Variants in TMEM132C observed in about 807,000 individuals in gnomAD.
TMEM132C encodes the protein protein phosphatase 1, regulatory subunit 152.
TMEM132C carries 29 observed loss-of-function variants against 61.4 expected under a neutral mutation model. The ratio of observed to expected loss-of-function variants is 0.47; its 90% CI spans 0.35 to 0.64. The LOEUF is 0.64. Among genes scored for constraint, TMEM132C ranks in the 30% least tolerant of loss-of-function variants. The probability of loss-of-function intolerance (pLI) is 0.00; values close to 1 mark genes in which losing one functional copy is unlikely to be tolerated. For missense variants in TMEM132C, 1,408 were observed against 1,476.9 expected (o/e 0.95, Z 0.76); for synonymous variants, 656 against 633.1 (o/e 1.04, Z -0.54).
At chr12:128,663,879 T>TACAC (rs1954422365) in intron 4 of TMEM132C, among the ~76,000 whole-genome samples, 1 of 129,216 alleles carries the variant, frequency 7.7e-6, no homozygotes, top group African/African-American at 2.9e-5. Context: ...CACACACACA[T>TACAC]ACAGGCACAA....
intron 1 of TMEM132C, among the ~76,000 whole-genome samples, chr12:128,412,414 A>G (rs1001699911): frequency 1.3e-5 from 2 of 152,150 alleles, no homozygotes; most frequent in African/African-American, 2.4e-5. Context: ...TGAATGAGAC[A>G]TTTGCTTATC....
intron 3 of TMEM132C, among the ~76,000 whole-genome samples, chr12:128,586,497 C>G (rs552046749): frequency 2.0e-5 from 3 of 152,020 alleles, no homozygotes; most frequent in Non-Finnish European, 4.4e-5. Flanking sequence ...GGATTATTAA[C>G]TACAGGGGGA....
In TMEM132C at chr12:128,571,150, T is replaced by C. The variant is rs574169524; in HGVS notation, c.1121+27047T>C. On this transcript the variant is annotated intron_variant, in intron 3 of 8. Transcript: ENST00000435159. ...CAAGGCCAAAAAAATAAAAAGCCAG[T>C]GTTCTGAGGATGGTAGAACAGAAAC... Among the ~76,000 whole-genome samples, 5 of 152,292 alleles carry C rather than the reference T, an allele frequency of 3.3e-5. No individual in the cohort carries two copies. The South Asian group carries it at 1.0e-3, about 32-fold the overall frequency.
intron 4 of TMEM132C, among the ~76,000 whole-genome samples, chr12:128,627,684 C>T (rs1466042837): frequency 6.6e-6 from 1 of 152,160 alleles, no homozygotes; most frequent in Non-Finnish European, 1.5e-5. Flanking sequence ...CCCCTGTGAG[C>T]CCTGGGTCCC....
chr12:128,696,435 A>G (rs1201566985), intron 7 of TMEM132C, among the ~76,000 whole-genome samples: 1 of 152,168 alleles, frequency 6.6e-6, no homozygotes, highest in Non-Finnish European at 1.5e-5. Flanking sequence ...TCTTAGAAAT[A>G]GCCATGGTCT....
chr12:128,267,961 G>A (rs1340624286), intron 1 of TMEM132C, among the ~76,000 whole-genome samples: 2 of 152,234 alleles, frequency 1.3e-5, no homozygotes, highest in African/African-American at 4.8e-5. Flanking sequence ...TGCTCCAGGA[G>A]GGAAGGCCCG....
chr12:128,396,311 T>G (rs1874953515), intron 1 of TMEM132C, among the ~76,000 whole-genome samples: 1 of 151,626 alleles, frequency 6.6e-6, no homozygotes, highest in Non-Finnish European at 1.5e-5. Context: ...AAATAATAGG[T>G]AGTTGTAAGT....
chr12:128,407,773 G>T (rs557190580), intron 1 of TMEM132C, among the ~76,000 whole-genome samples: 2 of 152,328 alleles, frequency 1.3e-5, no homozygotes, highest in Admixed American at 1.3e-4. Context: ...AAATCACAAG[G>T]CAGCCCAGAT....
rs923644945 is a variant in TMEM132C at position 128,524,669 on chromosome 12, G to A, written c.975-19288G>A. ...TTGCGGTGAGATTCCAGGTTGAAAT[G>A]TGCTTCTGAAGCAGGCTTTGGGATC... On this transcript the variant is annotated intron_variant, in intron 2 of 8. Coordinates refer to ENST00000435159, the MANE Select transcript of TMEM132C (RefSeq NM_001136103.3). Among the ~76,000 whole-genome samples the A allele has an allele frequency of 4.2e-4, 64 of 152,232 alleles. 1 individual carries two copies. The highest frequency in any genetic ancestry group is 1.2e-3 in the African/African-American group (50 of 41,532).
intron 3 of TMEM132C, among the ~76,000 whole-genome samples, chr12:128,611,482 G>A (rs1056228723): frequency 5.9e-5 from 9 of 152,178 alleles, no homozygotes; most frequent in African/African-American, 1.2e-4. Flanking sequence ...GCGGGAGCGG[G>A]GTTAGGGACT....
intron 1 of TMEM132C, among the ~76,000 whole-genome samples, chr12:128,385,670 G>A (rs960609291): frequency 2.8e-4 from 43 of 152,322 alleles, no homozygotes; most frequent in African/African-American, 1.0e-3. Context: ...GGAGAACAGG[G>A]AGTAAGGAAA....
At position 128,560,201 on chromosome 12, in the gene TMEM132C, G is replaced by T. The variant is rs192473387; in HGVS notation, c.1121+16098G>T. 3.8e-3 allele frequency among the ~76,000 whole-genome samples: 572 copies of T among 152,286 alleles called. 2 individuals carry two copies. Among genetic ancestry groups the T allele is most frequent in the Non-Finnish European group, 6.3e-3 (430 of 68,008 alleles). On this transcript the variant is annotated intron_variant, in intron 3 of 8. Coordinates refer to ENST00000435159, the MANE Select transcript of TMEM132C (RefSeq NM_001136103.3). ...GACAGAAGCTGCAGTAAGCCCTGAT[G>T]GTGCCATTGCACTCCAGCCTGGGCA...
chr12:128,628,238 TCTC>T (rs916989580), intron 4 of TMEM132C, among the ~76,000 whole-genome samples: 3 of 152,084 alleles, frequency 2.0e-5, no homozygotes, highest in African/African-American at 7.2e-5. Context: ...GAACCGGTCA[TCTC>T]CTCCCTGCTC....
intron 1 of TMEM132C, among the ~76,000 whole-genome samples, chr12:128,409,789 G>A (rs2136017083): frequency 6.6e-6 from 1 of 152,196 alleles, no homozygotes; most frequent in East Asian, 1.9e-4. Context: ...CCTTGGAACT[G>A]GGCTCCCACC....
At chr12:128,339,066 A>G (rs1872874256) in intron 1 of TMEM132C, among the ~76,000 whole-genome samples, 1 of 152,038 alleles carries the variant, frequency 6.6e-6, no homozygotes, top group Non-Finnish European at 1.5e-5. Context: ...AAATTTAGAA[A>G]GGGTTTTCTA....
chr12:128,588,707 G>A (rs1036511575), intron 3 of TMEM132C, among the ~76,000 whole-genome samples: 1 of 152,206 alleles, frequency 6.6e-6, no homozygotes, highest in African/African-American at 2.4e-5. Flanking sequence ...AGAGGCCACA[G>A]AGAGCTCCCT....
At chr12:128,616,945 T>A (rs1359575813) in intron 4 of TMEM132C, among the ~76,000 whole-genome samples, 1 of 152,222 alleles carries the variant, frequency 6.6e-6, no homozygotes, top group Non-Finnish European at 1.5e-5. Context: ...AATCATGCTA[T>A]GAGAAATGGA....
chr12:128,566,489 T>C (rs907665025), intron 3 of TMEM132C, among the ~76,000 whole-genome samples: 2 of 152,240 alleles, frequency 1.3e-5, no homozygotes, highest in Non-Finnish European at 2.9e-5. Flanking sequence ...TGAAACATTG[T>C]GTTTGGCCCT....
In TMEM132C at chr12:128,558,149, C is replaced by G. The variant is rs559836781; in HGVS notation, c.1121+14046C>G. Reference sequence around the variant, plus strand: ...AGTGTTAGTTGTGTTTTCTATGGAACAAGGCCTCCTTAAGTTCTTCCTGAC... The same window carrying G: ...AGTGTTAGTTGTGTTTTCTATGGAAGAAGGCCTCCTTAAGTTCTTCCTGAC... On this transcript the variant is annotated intron_variant, in intron 3 of 8. Transcript: ENST00000435159. 6.6e-4 allele frequency among the ~76,000 whole-genome samples: 100 copies of G among 152,324 alleles called. 4 individuals are homozygous for G. The South Asian group carries it at 0.02, about 30-fold the overall frequency.
Sources: allele counts gnomAD v4.1 joint callset (sites outside exome capture counted in the v4.1 genomes callset), GRCh38; gene constraint gnomAD v4.1.1; transcripts MANE v1.5; gene names NCBI Gene and HGNC (gene_info 2026-07-23, HGNC 2026-07-21).